The following PDE8A variants were observed in gnomAD, a reference collection of about 807,000 sequenced individuals.
PDE8A encodes phosphodiesterase 8A.
Under a neutral mutation model 105.0 loss-of-function variants are expected in PDE8A, and 59 were observed. The ratio of observed to expected loss-of-function variants is 0.56; its 90% CI spans 0.46 to 0.70. PDE8A has a LOEUF of 0.70. Among genes scored for constraint, PDE8A ranks in the 30% least tolerant of loss-of-function variants. The pLI is 0.00. For missense variants in PDE8A, 1,014 were observed against 1,045.9 expected, an observed-to-expected ratio of 0.97 and a Z score of 0.42; for synonymous variants, 355 against 371.9, an observed-to-expected ratio of 0.95 and a Z score of 0.52.
At chr15:85,018,697 C>T (rs1191974400) in intron 1 of PDE8A, among the ~76,000 whole-genome samples, 1 of 152,182 alleles carries the variant, frequency 6.6e-6, no homozygotes, top group African/African-American at 2.4e-5. Flanking sequence ...ATTTTACACA[C>T]TTGCAGAGCC....
chr15:85,115,600 C>A, intron 15 of PDE8A, 113 bp downstream of exon 15: 1 of 599,580 alleles, frequency 1.7e-6, no homozygotes, highest in Non-Finnish European at 2.9e-6. Flanking sequence ...TGTCATAAAG[C>A]CTCAGAAACA....
At chr15:85,122,992 G>A in intron 18 of PDE8A, 69 bp from the exon 19 acceptor site, 3 of 1,517,284 alleles carry the variant, frequency 2.0e-6, no homozygotes, top group East Asian at 2.3e-5. Context: ...ATAACAGATT[G>A]TTTTCAGGAG....
intron 1 of PDE8A, among the ~76,000 whole-genome samples, chr15:85,028,022 C>T (rs2080547057): frequency 6.6e-6 from 1 of 152,176 alleles, no homozygotes; most frequent in Non-Finnish European, 1.5e-5. Context: ...TTGCTGGCAA[C>T]ATTTAACTGT....
At chr15:85,005,730 T>C (rs1217045336) in intron 1 of PDE8A, among the ~76,000 whole-genome samples, 1 of 152,146 alleles carries the variant, frequency 6.6e-6, no homozygotes, top group Non-Finnish European at 1.5e-5. Context: ...CCTCTCAGAA[T>C]ATGGAGGACA....
intron 14 of PDE8A, 22 bp from the exon 15 acceptor site, chr15:85,115,417 T>C: frequency 6.6e-7 from 1 of 1,509,924 alleles, no homozygotes; most frequent in Middle Eastern, 1.7e-4. Context: ...TTTCTTTTTC[T>C]TGTTTCCTTG....
chr15:85,051,932 A>G (rs1038276447), intron 1 of PDE8A, among the ~76,000 whole-genome samples: 5 of 151,860 alleles, frequency 3.3e-5, no homozygotes, highest in African/African-American at 1.2e-4. Context: ...TTAACTCATC[A>G]TTTACATTAG....
chr15:85,037,642 C>G (rs1596463454), intron 1 of PDE8A, among the ~76,000 whole-genome samples: 1 of 152,024 alleles, frequency 6.6e-6, no homozygotes, highest in Non-Finnish European at 1.5e-5. Flanking sequence ...TATGTCATTC[C>G]CTTTATTTTC....
chr15:85,095,119 T>C (rs1375900683), intron 8 of PDE8A, among the ~76,000 whole-genome samples: 5 of 152,112 alleles, frequency 3.3e-5, no homozygotes, highest in African/African-American at 1.2e-4. Context: ...GCTTGGTGCA[T>C]AGCTTGTAGC....
intron 1 of PDE8A, among the ~76,000 whole-genome samples, chr15:85,021,762 A>G (rs2080430652): frequency 2.0e-5 from 3 of 152,190 alleles, no homozygotes; most frequent in Admixed American, 1.3e-4. Flanking sequence ...GTTTTTGAAG[A>G]GTACGGAACA....
chr15:84,999,121 C>CTTTTTTTT (rs35710429), intron 1 of PDE8A, among the ~76,000 whole-genome samples: 1 of 131,504 alleles, frequency 7.6e-6, no homozygotes. Flanking sequence ...AGGTCACATT[C>CTTTTTTTT]TTTTTTTTTT....
At chr15:85,134,494 A>G (rs1037207727) in intron 20 of PDE8A, among the ~76,000 whole-genome samples, 1 of 151,940 alleles carries the variant, frequency 6.6e-6, no homozygotes, top group Non-Finnish European at 1.5e-5. Flanking sequence ...TGGGGCTGCC[A>G]ACAGCAGGGC....
chr15:85,122,684 C>G (rs2082199991), intron 18 of PDE8A, among the ~76,000 whole-genome samples: 1 of 152,166 alleles, frequency 6.6e-6, no homozygotes, highest in African/African-American at 2.4e-5. Flanking sequence ...GTATCAAGTA[C>G]TCCCTATGAT....
chr15:85,052,144 A>T (rs1013279861), intron 1 of PDE8A, among the ~76,000 whole-genome samples: 1 of 152,196 alleles, frequency 6.6e-6, no homozygotes, highest in Non-Finnish European at 1.5e-5. Context: ...CCTACAAAGG[A>T]CATGAACTCA....
chr15:84,984,764 A>G (rs941560678), intron 1 of PDE8A, among the ~76,000 whole-genome samples: 1 of 152,204 alleles, frequency 6.6e-6, no homozygotes, highest in Non-Finnish European at 1.5e-5. Flanking sequence ...TGGGAAATAC[A>G]GGTTGAATAT....
At chr15:85,080,209 G>A (rs1238888746) in intron 5 of PDE8A, among the ~76,000 whole-genome samples, 2 of 152,214 alleles carry the variant, frequency 1.3e-5, no homozygotes, top group Non-Finnish European at 2.9e-5. Flanking sequence ...TTATATAGCT[G>A]TGGCTTTCTT....
intron 1 of PDE8A, among the ~76,000 whole-genome samples, chr15:85,045,653 C>A (rs1195815081): frequency 6.6e-6 from 1 of 152,192 alleles, no homozygotes; most frequent in Non-Finnish European, 1.5e-5. Context: ...TCTCCTGCTA[C>A]CCAAGGGACA....
chr15:85,034,680 A>G (rs1400023846), intron 1 of PDE8A, among the ~76,000 whole-genome samples: 1 of 152,250 alleles, frequency 6.6e-6, no homozygotes, highest in Non-Finnish European at 1.5e-5. Context: ...GGTTAGCAAA[A>G]GAATGGTGCA....
intron 8 of PDE8A, among the ~76,000 whole-genome samples, chr15:85,094,324 C>T (rs150996615): frequency 6.6e-6 from 1 of 152,216 alleles, no homozygotes; most frequent in Non-Finnish European, 1.5e-5. Flanking sequence ...CCTTCATTAG[C>T]TCCTGTGCCT....
intron 2 of PDE8A, among the ~76,000 whole-genome samples, chr15:85,065,704 C>T (rs1449646288): frequency 1.3e-5 from 2 of 152,248 alleles, no homozygotes; most frequent in South Asian, 2.1e-4. Context: ...GTCTGTTTCA[C>T]AGGCTGCCCA....
Sources: gnomAD v4.1 joint callset for allele counts (sites outside exome capture counted in the v4.1 genomes callset) on GRCh38, gnomAD v4.1.1 for gene constraint, MANE v1.5 for transcripts, NCBI Gene and HGNC (gene_info 2026-07-23, HGNC 2026-07-21) for gene names.